SMR3A: variants seen among roughly 807,000 people sequenced by gnomAD.
SMR3A encodes submaxillary gland androgen regulated protein 3A.
For missense variants in SMR3A, 188 were observed against 163.0 expected (o/e 1.15, Z -0.84); for synonymous variants, 48 against 57.4 (o/e 0.84, Z 0.74).
At position 70,362,046 on chromosome 4, in the gene SMR3A, A is replaced by G. The variant is rs1553913914; in HGVS notation, c.-14-56A>G. On this transcript the variant is annotated intron_variant, in intron 1 of 2. Coordinates refer to ENST00000226460, the MANE Select transcript of SMR3A (RefSeq NM_012390.4). The stretch of plus-strand genomic sequence containing the variant: ...ATATCCATGTGTTGAGACATTTTAA[A>G]TAGTACTTTTTAATAAAAAACAATC... The G allele has an allele frequency of 2.5e-6, 4 of 1,607,058 alleles. No individual in the cohort carries two copies. The South Asian group carries it at 4.4e-5, about 18-fold the overall frequency.
Position 70,366,857 on chromosome 4 carries a change from C to T in SMR3A, c.268C>T (p.Gln90Ter), listed in dbSNP as rs781617464. The T allele has an allele frequency of 3.1e-6, 5 of 1,613,600 alleles. No individual in the cohort carries two copies. Among genetic ancestry groups the T allele is most frequent in the Non-Finnish European group, 1.7e-6 (2 of 1,179,786 alleles). Reference sequence around the variant, plus strand: ...TCCACCCTATGGTCCAGGGAGAATTCAATCACACTCTCTTCCTCCTCCTTA... The same window carrying T: ...TCCACCCTATGGTCCAGGGAGAATTTAATCACACTCTCTTCCTCCTCCTTA... ...PPPPYGPGRIQSHSLPPPYGP... is the reference protein window; with the variant it reads ...PPPPYGPGRI The change falls in exon 3 of 3, where the codon CAA becomes TAA. Residue 90 changes from glutamine to a stop codon, truncating the protein, a stop_gained. Transcript: ENST00000226460. LOFTEE classifies it low-confidence loss of function (END_TRUNC).
chr4:70,367,027 C>T lies in SMR3A; in HGVS notation c.*33C>T. On this transcript the variant is annotated 3_prime_UTR_variant, in exon 3 of 3. Coordinates refer to ENST00000226460, the MANE Select transcript of SMR3A (RefSeq NM_012390.4). ...CAACTGCAACAGGTGCCACCACCCA[C>T]AAAAGACAACACTACCCTCGTAACT... 1 of 1,557,592 alleles carries T rather than the reference C, an allele frequency of 6.4e-7. No individual in the cohort carries two copies. The highest frequency in any genetic ancestry group is 8.8e-7 in the Non-Finnish European group (1 of 1,132,044).
chr4:70,365,071 C>A (rs944660443), intron 2 of SMR3A, among the ~76,000 whole-genome samples: 1 of 151,954 alleles, frequency 6.6e-6, no homozygotes, highest in Non-Finnish European at 1.5e-5. Flanking sequence ...CATTCTTACC[C>A]CAGAGCATTT....
In SMR3A at chr4:70,367,073, A is replaced by C; in HGVS notation, c.*79A>C. ...TAACTACTGCTTCTACTACCCAAAA[A>C]TAAGAATTTCAACACTACTTCCAAG... On this transcript the variant is annotated 3_prime_UTR_variant, in exon 3 of 3. Coordinates refer to ENST00000226460, the MANE Select transcript of SMR3A (RefSeq NM_012390.4). The C allele has an allele frequency of 5.6e-6, 7 of 1,260,240 alleles. No homozygotes were observed. Among genetic ancestry groups the C allele is most frequent in the Non-Finnish European group, 6.8e-6 (6 of 884,674 alleles). 78.1% of individuals were successfully genotyped at this position (1,260,240 alleles called of 1,614,324 possible).
At chr4:70,361,967 A>T in intron 1 of SMR3A, 135 bp from the exon 2 acceptor site, 1 of 1,409,294 alleles carries the variant, frequency 7.1e-7, no homozygotes, top group Admixed American at 2.6e-5. Flanking sequence ...TGAATCCAAA[A>T]TAATGTTAGG....
chr4:70,365,417 C>T (rs556226850), intron 2 of SMR3A, among the ~76,000 whole-genome samples: 2 of 152,004 alleles, frequency 1.3e-5, no homozygotes, highest in Admixed American at 6.6e-5. Flanking sequence ...CTATGTAAAC[C>T]AGACCTGAGA....
intron 2 of SMR3A, among the ~76,000 whole-genome samples, chr4:70,366,332 T>C (rs1231795324): frequency 6.6e-6 from 1 of 151,836 alleles, no homozygotes; most frequent in Non-Finnish European, 1.5e-5. Context: ...TTGCTGCCTA[T>C]GAGCCAGGGG....
At chr4:70,361,267 G>T (rs1377584423) in intron 1 of SMR3A, among the ~76,000 whole-genome samples, 1 of 151,872 alleles carries the variant, frequency 6.6e-6, no homozygotes, top group Non-Finnish European at 1.5e-5. Flanking sequence ...AATATCCAGT[G>T]AAATTTTGTC....
intron 1 of SMR3A, among the ~76,000 whole-genome samples, chr4:70,361,145 G>C (rs763185069): frequency 6.6e-6 from 1 of 151,830 alleles, no homozygotes; most frequent in Admixed American, 6.6e-5. Context: ...AGAGGGAATT[G>C]TTCCACAGTA....
chr4:70,363,407 T>C (rs937233240), intron 2 of SMR3A, among the ~76,000 whole-genome samples: 1 of 151,930 alleles, frequency 6.6e-6, no homozygotes, highest in African/African-American at 2.4e-5. Context: ...CTTTTGAGTG[T>C]TTTCTCTGTT....
At chr4:70,365,661 G>T (rs1732244730) in intron 2 of SMR3A, among the ~76,000 whole-genome samples, 1 of 151,914 alleles carries the variant, frequency 6.6e-6, no homozygotes, top group Non-Finnish European at 1.5e-5. Context: ...ATCCCCCCCT[G>T]TATTGTAATT....
At position 70,366,780 on chromosome 4, in the gene SMR3A, C is replaced by T. The variant is rs1732272322; in HGVS notation, c.191C>T (p.Pro64Leu). Reference sequence around the variant, plus strand: ...CCACCCTATGGTCCAGGGAGATTTCCACCACCCCTTTCTCCACCCTATGGT... The same window carrying T: ...CCACCCTATGGTCCAGGGAGATTTCTACCACCCCTTTCTCCACCCTATGGT... ...HPPPYGPGRF[P>L]PPLSPPYGPG... Residue 64 changes from proline to leucine, a missense_variant, in exon 3 of 3, where the codon CCA (proline) becomes CTA (leucine). Transcript: ENST00000226460. 1 of 1,613,244 alleles carries T rather than the reference C, an allele frequency of 6.2e-7. No individual in the cohort carries two copies. The highest frequency in any genetic ancestry group is 1.7e-5 in the Admixed American group (1 of 59,920).
chr4:70,363,131 T>C (rs1055496410), intron 2 of SMR3A, among the ~76,000 whole-genome samples: 1 of 151,966 alleles, frequency 6.6e-6, no homozygotes, highest in African/African-American at 2.4e-5. Context: ...ATCATAAAGC[T>C]GATTTTCAAC....
intron 2 of SMR3A, among the ~76,000 whole-genome samples, chr4:70,362,711 T>C (rs940602696): frequency 1.3e-5 from 2 of 151,874 alleles, no homozygotes; most frequent in African/African-American, 4.8e-5. Flanking sequence ...CTTAACCTAG[T>C]GTTTCAGAAT....
At chr4:70,364,292 G>A (rs1322036175) in intron 2 of SMR3A, among the ~76,000 whole-genome samples, 2 of 151,874 alleles carry the variant, frequency 1.3e-5, no homozygotes, top group African/African-American at 2.4e-5. Context: ...GGCAAGATTA[G>A]AATCAAGAGG....
intron 2 of SMR3A, among the ~76,000 whole-genome samples, chr4:70,362,947 A>C (rs1732179718): frequency 6.6e-6 from 1 of 151,916 alleles, no homozygotes; most frequent in African/African-American, 2.4e-5. Context: ...CATGAAACAT[A>C]AAATAATACC....
chr4:70,361,291 C>A (rs1390264184), intron 1 of SMR3A, among the ~76,000 whole-genome samples: 1 of 151,872 alleles, frequency 6.6e-6, no homozygotes, highest in Non-Finnish European at 1.5e-5. Flanking sequence ...ATGATTCTTT[C>A]AAAACTTGCG....
chr4:70,362,283 C>T (rs1732166404), intron 2 of SMR3A, 114 bp downstream of exon 2: 1 of 1,540,576 alleles, frequency 6.5e-7, no homozygotes, highest in Non-Finnish European at 8.8e-7. Flanking sequence ...AACTATTAAC[C>T]GTTGATGAAA....
At position 70,366,656 on chromosome 4, in the gene SMR3A, C is replaced by G; in HGVS notation, c.67C>G (p.Gln23Glu). ...LAACFTPGES[Q>E]RGPRGPYPPG... ...TTTGTTTCCACAGCCTGGTGAGAGTCAAAGAGGCCCCAGGGGACCATATCC... is the reference window on the plus strand; with the variant it reads ...TTTGTTTCCACAGCCTGGTGAGAGTGAAAGAGGCCCCAGGGGACCATATCC... Residue 23 changes from glutamine (Q) to glutamate (E), a missense_variant, in exon 3 of 3, where the codon CAA (glutamine) becomes GAA (glutamate). Coordinates refer to ENST00000226460, the MANE Select transcript of SMR3A (RefSeq NM_012390.4). The G allele has an allele frequency of 1.2e-6, 2 of 1,606,296 alleles. No homozygotes were observed. Among genetic ancestry groups the G allele is most frequent in the Non-Finnish European group, 1.7e-6 (2 of 1,175,814 alleles).
Sources: gnomAD v4.1 joint callset for allele counts (sites outside exome capture counted in the v4.1 genomes callset) on GRCh38, gnomAD v4.1.1 for gene constraint, MANE v1.5 for transcripts, NCBI Gene and HGNC (gene_info 2026-07-23, HGNC 2026-07-21) for gene names.